IGF2R: variants seen among roughly 807,000 people sequenced by gnomAD.
IGF2R encodes the protein cation-independent mannose-6-phosphate receptor.
Under a neutral mutation model 270.6 loss-of-function variants are expected in IGF2R, and 91 were observed. The ratio of observed to expected loss-of-function variants is 0.34; its 90% CI spans 0.28 to 0.40. The LOEUF (loss-of-function observed/expected upper bound fraction) is 0.40. Among genes scored for constraint, IGF2R ranks in the 10% least tolerant of loss-of-function variants. The pLI, the probability that IGF2R is intolerant of heterozygous loss-of-function variation, is 1.00. For synonymous variants in IGF2R, 1,316 were observed against 1,258.9 expected (o/e 1.05, Z -0.96); for missense variants, 2,805 against 3,188.3 (o/e 0.88, Z 2.90).
chr6:160,098,821 GA>G (rs529234187), intron 45 of IGF2R, among the ~76,000 whole-genome samples: 1 of 151,628 alleles, frequency 6.6e-6, no homozygotes, highest in Non-Finnish European at 1.5e-5. Flanking sequence ...TAGATCTCAG[GA>G]AAAAAAATCA....
At chr6:160,008,387 G>A (rs770128419) in intron 2 of IGF2R, among the ~76,000 whole-genome samples, 7 of 151,970 alleles carry the variant, frequency 4.6e-5, no homozygotes, top group Non-Finnish European at 1.0e-4. Flanking sequence ...TCTTCTAGTC[G>A]ATTGGTCTCT....
chr6:160,029,679 C>A, intron 7 of IGF2R, 24 bp downstream of exon 7: 1 of 1,533,940 alleles, frequency 6.5e-7, no homozygotes, highest in Non-Finnish European at 9.0e-7. Context: ...CTCCTGATCA[C>A]TAATGTGGCG....
At chr6:160,081,616 G>A (rs1441954973) in intron 39 of IGF2R, among the ~76,000 whole-genome samples, 1 of 152,208 alleles carries the variant, frequency 6.6e-6, no homozygotes, top group Non-Finnish European at 1.5e-5. Flanking sequence ...AGGAGGCCAG[G>A]GCGTGTTTCA....
chr6:159,969,613 TG>T (rs1445732265), intron 1 of IGF2R, among the ~76,000 whole-genome samples: 15 of 152,218 alleles, frequency 9.9e-5, no homozygotes, highest in African/African-American at 3.1e-4. Context: ...CACGCGGTCG[TG>T]GCGGTCCTGG....
chr6:160,093,921 C>T, intron 44 of IGF2R: 1 of 712,116 alleles, frequency 1.4e-6, no homozygotes, highest in South Asian at 1.4e-5. Flanking sequence ...AGTGCCATAT[C>T]TTTATCACAG....
chr6:160,033,729 G>T (rs921602029), intron 9 of IGF2R, among the ~76,000 whole-genome samples: 12 of 152,156 alleles, frequency 7.9e-5, no homozygotes, highest in Non-Finnish European at 1.5e-4. Flanking sequence ...TTTAAAATTC[G>T]TTTTTAAGGA....
chr6:160,031,131 C>T (rs1332109748), intron 7 of IGF2R, among the ~76,000 whole-genome samples: 1 of 152,104 alleles, frequency 6.6e-6, no homozygotes, highest in Non-Finnish European at 1.5e-5. Flanking sequence ...TGTGAGCCAC[C>T]GCACCGGCCA....
intron 2 of IGF2R, among the ~76,000 whole-genome samples, chr6:159,993,459 C>T (rs946462099): frequency 2.6e-5 from 4 of 152,108 alleles, no homozygotes; most frequent in African/African-American, 7.2e-5. Flanking sequence ...TTCCCAGCAC[C>T]GTTTATTGAA....
At chr6:160,057,201 A>G (rs1479561160) in intron 20 of IGF2R, among the ~76,000 whole-genome samples, 1 of 152,194 alleles carries the variant, frequency 6.6e-6, no homozygotes, top group Admixed American at 6.5e-5. Flanking sequence ...TGAGTCTCTC[A>G]GTGCCTACTG....
chr6:160,074,000 G>A (rs1281288722), intron 35 of IGF2R, 25 bp downstream of exon 35: 2 of 1,561,432 alleles, frequency 1.3e-6, no homozygotes. Flanking sequence ...TCCAAGGGTG[G>A]AGATAATTTT....
Position 160,108,763 on chromosome 6 carries a change from A to G in IGF2R, c.*3679A>G, listed in dbSNP as rs1195120707. The G allele has an allele frequency of 1.3e-5, 2 of 151,616 alleles. No homozygotes were observed. Among genetic ancestry groups the G allele is most frequent in the Admixed American group, 6.6e-5 (1 of 15,224 alleles). The allele number at this position is 151,616 out of a possible 1,614,324, so 9.4% of individuals were successfully genotyped here. A position where few individuals can be genotyped will look rare whatever the true frequency, so the allele number is the denominator to read the frequency against. ...AGTGGCATGATCTCGGCTCACTGCA[A>G]TCTCTGCCTCCCGGGTTCAAGGGAT... On this transcript the variant is annotated 3_prime_UTR_variant, in exon 48 of 48. Transcript: ENST00000356956.
At chr6:160,096,057 A>T (rs904585030) in intron 44 of IGF2R, 1 of 161,734 alleles carries the variant, frequency 6.2e-6, no homozygotes, top group African/African-American at 2.4e-5. Context: ...CTGATCTGTT[A>T]GATACTTCAG....
chr6:160,101,665 T>C (rs1779488277), intron 45 of IGF2R, among the ~76,000 whole-genome samples: 2 of 152,220 alleles, frequency 1.3e-5, no homozygotes, highest in Non-Finnish European at 2.9e-5. Context: ...GTTTATGTGA[T>C]CCTGTTCCTG....
At chr6:160,012,273 A>C (rs554625272) in intron 4 of IGF2R, among the ~76,000 whole-genome samples, 3 of 152,322 alleles carry the variant, frequency 2.0e-5, no homozygotes, top group Admixed American at 6.5e-5. Flanking sequence ...AAAGCATCTC[A>C]AAGCAGACAT....
At chr6:160,054,563 C>T (rs1209729911) in intron 19 of IGF2R, among the ~76,000 whole-genome samples, 1 of 152,108 alleles carries the variant, frequency 6.6e-6, no homozygotes, top group Non-Finnish European at 1.5e-5. Context: ...TTCTGTTTAG[C>T]ACTTAGGGAA....
intron 4 of IGF2R, among the ~76,000 whole-genome samples, chr6:160,013,934 C>T (rs540112155): frequency 1.3e-5 from 2 of 152,194 alleles, no homozygotes; most frequent in South Asian, 4.2e-4. Context: ...TTATAAAAAC[C>T]TCATCATTCC....
chr6:160,060,361 C>T (rs902882173), intron 22 of IGF2R, among the ~76,000 whole-genome samples, 186 bp from the exon 23 acceptor site: 3 of 152,258 alleles, frequency 2.0e-5, no homozygotes, highest in Admixed American at 1.3e-4. Context: ...ACTGTTGTAG[C>T]GAGTGTGACC....
chr6:160,091,405 G>T (rs181995419), intron 44 of IGF2R, among the ~76,000 whole-genome samples: 1 of 152,264 alleles, frequency 6.6e-6, no homozygotes, highest in African/African-American at 2.4e-5. Flanking sequence ...GGTGCTCCGT[G>T]CCCTGGTGCT....
At chr6:159,976,765 A>C (rs192335524) in intron 1 of IGF2R, among the ~76,000 whole-genome samples, 1 of 151,830 alleles carries the variant, frequency 6.6e-6, no homozygotes, top group Non-Finnish European at 1.5e-5. Context: ...AGGTCCATGG[A>C]CTTTGGGGGT....
Sources: allele counts gnomAD v4.1 joint callset (sites outside exome capture counted in the v4.1 genomes callset), GRCh38; gene constraint gnomAD v4.1.1; transcripts MANE v1.5; gene names NCBI Gene and HGNC (gene_info 2026-07-23, HGNC 2026-07-21).